Variants in USH2A observed in about 807,000 individuals in gnomAD.
USH2A encodes usherin, also known as Usher syndrome 2A (autosomal recessive, mild).
Under a neutral mutation model 538.9 loss-of-function variants are expected in USH2A, and 443 were observed. That is an observed-to-expected ratio of 0.82 (90% CI 0.76 to 0.89). USH2A has a LOEUF of 0.89. Ranked by LOEUF, USH2A falls within the 40% of genes least tolerant of loss-of-function variation. The pLI, the probability that USH2A is intolerant of heterozygous loss-of-function variation, is 0.00. For missense variants in USH2A, 6,633 were observed against 6,324.8 expected (o/e 1.05, Z -1.65); for synonymous variants, 2,413 against 2,273.5 (o/e 1.06, Z -1.75).
chr1:215,854,127 G>C (rs1664092951), intron 44 of USH2A, among the ~76,000 whole-genome samples: 1 of 152,192 alleles, frequency 6.6e-6, no homozygotes, highest in African/African-American at 2.4e-5. Context: ...TGGGCTCATA[G>C]TTCCACATGG....
At chr1:216,002,158 T>A (rs1244617030) in intron 32 of USH2A, among the ~76,000 whole-genome samples, 1 of 152,150 alleles carries the variant, frequency 6.6e-6, no homozygotes, top group Non-Finnish European at 1.5e-5. Context: ...AGGAAACTTA[T>A]GAAGTTAAAA....
At chr1:216,037,573 G>C (rs1356644059) in intron 32 of USH2A, among the ~76,000 whole-genome samples, 5 of 152,054 alleles carry the variant, frequency 3.3e-5, no homozygotes, top group Admixed American at 6.6e-5. Context: ...AAATGTTTCA[G>C]GATATTGATT....
chr1:215,935,355 C>T (rs1175219546), intron 37 of USH2A, among the ~76,000 whole-genome samples: 2 of 151,908 alleles, frequency 1.3e-5, no homozygotes, highest in Admixed American at 1.3e-4. Context: ...ATCTAATGCC[C>T]TTTTAAATTT....
chr1:216,006,547 C>T (rs7531584), intron 32 of USH2A, among the ~76,000 whole-genome samples: 78,304 of 151,980 alleles, frequency 0.52, 20,650 homozygotes, highest in East Asian at 0.84. Context: ...AAGATGTTTC[C>T]GAGAGATGTC....
chr1:215,900,663 T>G (rs1340499658), intron 39 of USH2A, 92 bp downstream of exon 39: 5 of 1,542,672 alleles, frequency 3.2e-6, no homozygotes, highest in Non-Finnish European at 4.5e-6. Flanking sequence ...GTAACCTATA[T>G]TTTTTGCAAA....
intron 62 of USH2A, among the ~76,000 whole-genome samples, chr1:215,678,551 C>T (rs933698398): frequency 6.6e-6 from 1 of 152,198 alleles, no homozygotes; most frequent in African/African-American, 2.4e-5. Context: ...AAATGATATT[C>T]CATTCTAAAA....
intron 21 of USH2A, among the ~76,000 whole-genome samples, chr1:216,107,789 T>C (rs1357132332): frequency 6.6e-6 from 1 of 151,454 alleles, no homozygotes; most frequent in Admixed American, 6.6e-5. Context: ...ACCTTTTTCA[T>C]CTCCCTAGGT....
intron 21 of USH2A, among the ~76,000 whole-genome samples, chr1:216,163,240 C>T (rs977091325): frequency 1.4e-4 from 21 of 151,852 alleles, no homozygotes; most frequent in Non-Finnish European, 2.4e-4. Flanking sequence ...TACTGAGTTG[C>T]TAACTTCAGC....
Position 215,878,907 on chromosome 1 carries a change from C to A in USH2A, c.8415G>T (p.Gly2805=), listed in dbSNP as rs1664839564. ...ACSGGNGYLG[G]CTESLPTYVT... ...CATAGGTAGGTAAACTCTCTGTGCA[C>A]CCTCCAAGGTACCCATTACCCCCTG... The change falls in exon 42 of 72, where the codon GGG becomes GGT. Residue 2805 remains glycine, a synonymous_variant. Transcript: ENST00000307340. The A allele has an allele frequency of 6.2e-7, 1 of 1,613,866 alleles. No individual in the cohort carries two copies. The highest frequency in any genetic ancestry group is 8.5e-7 in the Non-Finnish European group (1 of 1,179,986).
chr1:215,867,572 C>CT (rs1358555958), intron 43 of USH2A, among the ~76,000 whole-genome samples: 1 of 152,206 alleles, frequency 6.6e-6, no homozygotes, highest in African/African-American at 2.4e-5. Flanking sequence ...TTATGCTCTT[C>CT]TTTTTGGAAA....
rs1282560777 is a variant in USH2A at position 216,120,560 on chromosome 1, T to C, written c.4628-23347A>G. ...GCGCCCAGCTAATCTCTTGCATTGT[T>C]AGCAGAGACGGGGTTTCACCATCTT... On this transcript the variant is annotated intron_variant, in intron 21 of 71. Transcript: ENST00000307340. Among the ~76,000 whole-genome samples, 7 of 151,846 alleles carry C rather than the reference T, an allele frequency of 4.6e-5. No homozygotes were observed. The East Asian group carries it at 1.4e-3, about 30-fold the overall frequency.
intron 3 of USH2A, among the ~76,000 whole-genome samples, chr1:216,380,388 A>T (rs2038905441): frequency 6.6e-6 from 1 of 152,220 alleles, no homozygotes; most frequent in South Asian, 2.1e-4. Flanking sequence ...AATCACAAAA[A>T]ATTAAAGACA....
intron 60 of USH2A, among the ~76,000 whole-genome samples, chr1:215,729,677 C>T (rs879788272): frequency 4.6e-5 from 7 of 152,156 alleles, no homozygotes; most frequent in Non-Finnish European, 8.8e-5. Context: ...GTCACTCAGG[C>T]TGGAGTGCAT....
At chr1:216,152,095 G>A (rs1435410127) in intron 21 of USH2A, among the ~76,000 whole-genome samples, 1 of 152,068 alleles carries the variant, frequency 6.6e-6, no homozygotes, top group Non-Finnish European at 1.5e-5. Context: ...CGCACTTGAA[G>A]CAGCCCTGAG....
chr1:216,294,725 G>A (rs919702792), intron 9 of USH2A, among the ~76,000 whole-genome samples: 8 of 151,732 alleles, frequency 5.3e-5, no homozygotes, highest in African/African-American at 1.9e-4. Flanking sequence ...ATTTTCTTGT[G>A]TTCTGCCCAT....
intron 22 of USH2A, among the ~76,000 whole-genome samples, chr1:216,094,946 G>T (rs1558255692): frequency 7.0e-6 from 1 of 142,314 alleles, no homozygotes; most frequent in South Asian, 2.2e-4. Context: ...GAGTTTATGT[G>T]CGTGTGTAGG....
chr1:216,212,432 A>G (rs2035260052), intron 15 of USH2A, among the ~76,000 whole-genome samples: 1 of 152,184 alleles, frequency 6.6e-6, no homozygotes, highest in Non-Finnish European at 1.5e-5. Flanking sequence ...ATGTTCACAT[A>G]TTCACTCATC....
At chr1:215,815,988 C>T (rs904666994) in intron 48 of USH2A, among the ~76,000 whole-genome samples, 1 of 151,822 alleles carries the variant, frequency 6.6e-6, no homozygotes, top group Non-Finnish European at 1.5e-5. Flanking sequence ...TCTCTTTGTC[C>T]ACTTCGTAAC....
intron 61 of USH2A, among the ~76,000 whole-genome samples, chr1:215,720,548 T>A (rs1320403155): frequency 6.6e-6 from 1 of 152,166 alleles, no homozygotes; most frequent in Non-Finnish European, 1.5e-5. Flanking sequence ...TCATCCAGCA[T>A]GATAGGTCAA....
Sources: allele counts gnomAD v4.1 joint callset (sites outside exome capture counted in the v4.1 genomes callset), GRCh38; gene constraint gnomAD v4.1.1; transcripts MANE v1.5; gene names NCBI Gene and HGNC (gene_info 2026-07-23, HGNC 2026-07-21).